The following RGS6 variants were observed in gnomAD, a reference collection of about 807,000 sequenced individuals.
RGS6 encodes regulator of G protein signaling 6.
In RGS6, 30 loss-of-function variants were observed where a neutral mutation model predicts 78.5. The ratio of observed to expected loss-of-function variants is 0.38; its 90% CI spans 0.29 to 0.52. The LOEUF (loss-of-function observed/expected upper bound fraction) is 0.52. Ranked by LOEUF, RGS6 falls within the 20% of genes least tolerant of loss-of-function variation. The pLI is 0.85. For synonymous variants in RGS6, 206 were observed against 206.0 expected, an observed-to-expected ratio of 1.00 and a Z score of 0.00; for missense variants, 495 against 609.7, an observed-to-expected ratio of 0.81 and a Z score of 1.98.
upstream of RGS6, among the ~76,000 whole-genome samples, chr14:71,931,508 T>G (rs936907413): frequency 8.5e-5 from 13 of 152,214 alleles, no homozygotes; most frequent in Non-Finnish European, 1.0e-4. Flanking sequence ...TCTGGACCCA[T>G]GTGAATGAGG....
intron 1 of RGS6, among the ~76,000 whole-genome samples, chr14:71,961,526 C>G (rs1487467816): frequency 1.3e-5 from 2 of 152,082 alleles, no homozygotes; most frequent in Non-Finnish European, 2.9e-5. Flanking sequence ...AGGAACTTGC[C>G]TAAGATCACA....
chr14:72,376,720 T>C (rs1301467229), intron 3 of RGS6, among the ~76,000 whole-genome samples: 6 of 152,172 alleles, frequency 3.9e-5, no homozygotes, highest in African/African-American at 1.4e-4. Context: ...CATTCAATAT[T>C]ATGCCCAGCA....
intron 2 of RGS6, among the ~76,000 whole-genome samples, chr14:72,239,744 C>T (rs1012590099): frequency 6.6e-6 from 1 of 152,250 alleles, no homozygotes; most frequent in Admixed American, 6.5e-5. Flanking sequence ...CTAAGCCCAG[C>T]ACCCTTTTCA....
intron 2 of RGS6, among the ~76,000 whole-genome samples, chr14:72,101,920 C>T (rs2095536501): frequency 6.6e-6 from 1 of 152,164 alleles, no homozygotes; most frequent in South Asian, 2.1e-4. Context: ...TCTCTATTAC[C>T]TGCCTTCCAC....
intron 2 of RGS6, among the ~76,000 whole-genome samples, chr14:71,987,322 G>C (rs1450573296): frequency 1.3e-5 from 2 of 152,100 alleles, no homozygotes; most frequent in Non-Finnish European, 2.9e-5. Flanking sequence ...GAGTTTCAGA[G>C]ACTGGCAGTG....
At chr14:72,310,084 T>A (rs1237089169) in intron 2 of RGS6, among the ~76,000 whole-genome samples, 2 of 152,208 alleles carry the variant, frequency 1.3e-5, no homozygotes, top group African/African-American at 4.8e-5. Flanking sequence ...CTTCTCGGCA[T>A]GTTGGTCATT....
chr14:71,891,255 G>A, the RGS6 span, among the ~76,000 whole-genome samples: 15 of 152,226 alleles, frequency 9.9e-5, no homozygotes, highest in African/African-American at 3.4e-4. Flanking sequence ...ATTTGGGAAG[G>A]GCTCGACTGG....
intron 2 of RGS6, among the ~76,000 whole-genome samples, chr14:72,275,105 A>G (rs931483936): frequency 6.6e-6 from 1 of 151,930 alleles, no homozygotes; most frequent in African/African-American, 2.4e-5. Flanking sequence ...CTGCTATGGT[A>G]TTTTTCTTTT....
chr14:71,880,091 A>G, the RGS6 span, among the ~76,000 whole-genome samples: 25,930 of 152,222 alleles, frequency 0.17, 2,311 homozygotes, highest in East Asian at 0.27. Context: ...GTTTTAGCAA[A>G]GAGACTGGTG....
chr14:72,606,460 CA>C, the RGS6 span, among the ~76,000 whole-genome samples: 1 of 152,148 alleles, frequency 6.6e-6, no homozygotes, highest in Non-Finnish European at 1.5e-5. Flanking sequence ...ATCGCAACCC[CA>C]CCCCTTAGAC....
At chr14:71,875,950 C>A in the RGS6 span, among the ~76,000 whole-genome samples, 1 of 152,228 alleles carries the variant, frequency 6.6e-6, no homozygotes, top group Non-Finnish European at 1.5e-5. Context: ...TGTAGTTGAG[C>A]AGTTTTGAGT....
chr14:72,533,095 A>G (rs903268286), intron 15 of RGS6, among the ~76,000 whole-genome samples: 2 of 152,258 alleles, frequency 1.3e-5, no homozygotes, highest in African/African-American at 4.8e-5. Flanking sequence ...AAAGCTTCAA[A>G]GGACAGGCTG....
At chr14:72,509,146 C>T (rs1320190950) in intron 13 of RGS6, among the ~76,000 whole-genome samples, 12 of 152,010 alleles carry the variant, frequency 7.9e-5, no homozygotes, top group Middle Eastern at 3.4e-3. Flanking sequence ...GGGTGGATCA[C>T]GAGGTCAGGA....
intron 2 of RGS6, among the ~76,000 whole-genome samples, chr14:72,152,938 C>G (rs73297146): frequency 0.023 from 3,549 of 152,202 alleles, 143 homozygotes; most frequent in African/African-American, 0.081. Flanking sequence ...GAGCCAGATT[C>G]CTGCTAGTGT....
At chr14:72,388,629 TAGAC>T (rs890398190) in intron 3 of RGS6, among the ~76,000 whole-genome samples, 2 of 152,106 alleles carry the variant, frequency 1.3e-5, no homozygotes, top group African/African-American at 4.8e-5. Context: ...TGGTCTCCCT[TAGAC>T]AGCCTCATTC....
intron 15 of RGS6, among the ~76,000 whole-genome samples, chr14:72,527,200 A>G (rs914925513): frequency 2.0e-5 from 3 of 152,196 alleles, no homozygotes; most frequent in African/African-American, 7.2e-5. Flanking sequence ...ATAGTACCCA[A>G]AAGGGAATTG....
rs2096983986 is a variant in RGS6, at chr14:72,518,530, A to T, written c.1271A>T (p.Asp424Val). ...GATGGAGGGAGATATACATTTGAAG[A>T]CGCCCAGGTTTGCTTATCTACTCAA... ...VKDGGRYTFE[D>V]AQEHIYKLMK... Residue 424 changes from aspartate to valine, a missense_variant, in exon 15 of 18, where the codon GAC becomes GTC. Coordinates refer to ENST00000553525, the MANE Select transcript of RGS6 (RefSeq NM_001204424.2). The T allele has an allele frequency of 6.2e-7, 1 of 1,614,004 alleles. No individual in the cohort carries two copies.
intron 10 of RGS6, among the ~76,000 whole-genome samples, chr14:72,475,919 C>T (rs1274933052): frequency 2.0e-5 from 3 of 151,492 alleles, no homozygotes; most frequent in Non-Finnish European, 4.4e-5. Context: ...ACTGACTTAA[C>T]AATATCCACT....
chr14:72,030,098 A>G (rs964355821), intron 2 of RGS6, among the ~76,000 whole-genome samples: 1 of 152,216 alleles, frequency 6.6e-6, no homozygotes, highest in Non-Finnish European at 1.5e-5. Flanking sequence ...TTAGTCTTTA[A>G]TAAGTTATTA....
Sources: allele counts gnomAD v4.1 joint callset (sites outside exome capture counted in the v4.1 genomes callset), GRCh38; gene constraint gnomAD v4.1.1; transcripts MANE v1.5; gene names NCBI Gene and HGNC (gene_info 2026-07-23, HGNC 2026-07-21).